The following CFAP77 variants were observed in gnomAD, a reference collection of about 807,000 sequenced individuals.
CFAP77 encodes the protein cilia and flagella associated protein 77.
In CFAP77, 25 loss-of-function variants were observed where a neutral mutation model predicts 31.1. The ratio of observed to expected loss-of-function variants is 0.80; its 90% CI spans 0.59 to 1.12. CFAP77 has a LOEUF of 1.12. CFAP77 is among the 50% of genes most tolerant of loss of function. The pLI, the probability that CFAP77 is intolerant of heterozygous loss-of-function variation, is 0.00. For missense variants in CFAP77, 377 were observed against 397.3 expected (o/e 0.95, Z 0.44); for synonymous variants, 151 against 159.9 (o/e 0.94, Z 0.42).
At chr9:132,534,183 C>T (rs1303084688) in intron 3 of CFAP77, among the ~76,000 whole-genome samples, 6 of 152,164 alleles carry the variant, frequency 3.9e-5, no homozygotes, top group Non-Finnish European at 8.8e-5. Context: ...AGCTCCCCAT[C>T]AGCCTCCACC....
chr9:132,438,362 T>C (rs1267484813), intron 1 of CFAP77, among the ~76,000 whole-genome samples: 3 of 151,316 alleles, frequency 2.0e-5, no homozygotes, highest in African/African-American at 7.3e-5. Context: ...ACTTAATGAT[T>C]GGCTCTGGTG....
intron 1 of CFAP77, among the ~76,000 whole-genome samples, chr9:132,428,434 C>T (rs1236672234): frequency 3.3e-5 from 5 of 151,968 alleles, no homozygotes; most frequent in Admixed American, 6.6e-5. Context: ...GCCAACATGG[C>T]GAAACCTCAT....
At chr9:132,535,812 T>C (rs938784558) in intron 3 of CFAP77, among the ~76,000 whole-genome samples, 6 of 152,176 alleles carry the variant, frequency 3.9e-5, no homozygotes, top group African/African-American at 1.4e-4. Context: ...ATTTGCTTTC[T>C]CCTGTTGTTA....
chr9:132,505,058 C>T (rs1851910059), intron 3 of CFAP77, among the ~76,000 whole-genome samples: 2 of 152,218 alleles, frequency 1.3e-5, no homozygotes, highest in South Asian at 4.1e-4. Context: ...GTGTTATTTA[C>T]TCACAATTAC....
rs142726335 is a variant in CFAP77, at chr9:132,543,006, G to T, written c.691G>T (p.Val231Leu). 1 of 1,614,144 alleles carries T rather than the reference G, an allele frequency of 6.2e-7. No homozygotes were observed. Among genetic ancestry groups the T allele is most frequent in the Non-Finnish European group, 8.5e-7 (1 of 1,180,024 alleles). ...SSQLRKYKPP[V>L]KLDTLWHMPH... is the part of the protein sequence containing the mutation. ...TCAGCTGAGGAAGTACAAGCCGCCCGTGAAGCTGGACACCCTCTGGCACAT... is the reference window on the plus strand; with the variant it reads ...TCAGCTGAGGAAGTACAAGCCGCCCTTGAAGCTGGACACCCTCTGGCACAT... Residue 231 changes from valine (V) to leucine (L), a missense_variant, in exon 5 of 6, where the codon GTG (valine) becomes TTG (leucine). Coordinates refer to ENST00000393216, the MANE Select transcript of CFAP77 (RefSeq NM_001282957.2).
intron 1 of CFAP77, among the ~76,000 whole-genome samples, chr9:132,422,306 G>C (rs1438670755): frequency 1.3e-5 from 2 of 152,216 alleles, no homozygotes; most frequent in Non-Finnish European, 2.9e-5. Flanking sequence ...ACTGTGCCCA[G>C]CCCAGCAGGT....
chr9:132,480,342 A>AC lies in CFAP77; in HGVS notation c.196-18353_196-18352insC, dbSNP rs1851424238. Reference sequence around the variant, plus strand: ...GGGCTTTCCCACTTTTTGCCCTCATAGCTCAACTCCCTAGGGAATTTGAGA... The same window carrying AC: ...GGGCTTTCCCACTTTTTGCCCTCATACGCTCAACTCCCTAGGGAATTTGAGA... On this transcript the variant is annotated intron_variant, in intron 1 of 5. Transcript: ENST00000393216. The surrounding 1 kb of genome is among the most constrained non-coding windows in gnomAD (Gnocchi z 5.8). 6.6e-6 allele frequency among the ~76,000 whole-genome samples: 1 copy of AC among 152,138 alleles called. No individual in the cohort carries two copies. Among genetic ancestry groups the AC allele is most frequent in the Non-Finnish European group, 1.5e-5 (1 of 68,016 alleles).
At chr9:132,411,582 C>T (rs1395023079) in intron 1 of CFAP77, among the ~76,000 whole-genome samples, 1 of 152,154 alleles carries the variant, frequency 6.6e-6, no homozygotes, top group African/African-American at 2.4e-5. Flanking sequence ...AGGCTCCTTT[C>T]TTAGGCCTCT....
At chr9:132,487,394 C>T (rs201505375) in intron 1 of CFAP77, among the ~76,000 whole-genome samples, 47 of 152,242 alleles carry the variant, frequency 3.1e-4, no homozygotes, top group East Asian at 1.9e-3. Context: ...TAAACCAGAG[C>T]AGAGTTGCAA....
rs747237243 is a variant in CFAP77, at chr9:132,552,409, G to A, written c.732+9362G>A. Among the ~76,000 whole-genome samples the A allele has an allele frequency of 1.6e-4, 25 of 152,082 alleles. No homozygotes were observed. Among genetic ancestry groups the A allele is most frequent in the Non-Finnish European group, 2.2e-4 (15 of 67,976 alleles). On this transcript the variant is annotated intron_variant, in intron 5 of 5. Coordinates refer to ENST00000393216, the MANE Select transcript of CFAP77 (RefSeq NM_001282957.2). The surrounding 1 kb of genome is among the most constrained non-coding windows in gnomAD (Gnocchi z 5.5). ...GAGGAGATGTTTAAAATGCAGAGTC[G>A]AAGGCCCAGTGCGGTGGCTCATGCC...
chr9:132,558,482 A>G (rs1852938583), intron 5 of CFAP77, among the ~76,000 whole-genome samples: 1 of 152,162 alleles, frequency 6.6e-6, no homozygotes, highest in Non-Finnish European at 1.5e-5. Flanking sequence ...AGGCGGGAGG[A>G]TCACCTGAGG....
In CFAP77 at chr9:132,511,267, A is replaced by ACTCC. The variant is rs1473940781; in HGVS notation, c.524+11677_524+11680dup. 6.7e-6 allele frequency among the ~76,000 whole-genome samples: 1 copy of ACTCC among 150,156 alleles called. No individual in the cohort carries two copies. The highest frequency in any genetic ancestry group is 1.5e-5 in the Non-Finnish European group (1 of 67,484). On this transcript the variant is annotated intron_variant, in intron 3 of 5. Coordinates refer to ENST00000393216, the MANE Select transcript of CFAP77 (RefSeq NM_001282957.2). The surrounding 1 kb of genome is among the most constrained non-coding windows in gnomAD (Gnocchi z 5.8). ...AGCTAAACCTCCTTCAGTCCCCTGA[A>ACTCC]CTCCCTCCCTCCCCACGTTTCTCTG...
chr9:132,474,027 G>A (rs1023919031), intron 1 of CFAP77, among the ~76,000 whole-genome samples: 10 of 152,106 alleles, frequency 6.6e-5, no homozygotes, highest in South Asian at 2.1e-4. Flanking sequence ...ATCACATTGC[G>A]TCCTCTCCTC....
intron 3 of CFAP77, chr9:132,513,412 G>C (rs577416): frequency 6.7e-7 from 1 of 1,495,312 alleles, no homozygotes; most frequent in Non-Finnish European, 8.9e-7. Flanking sequence ...CACAATCTGA[G>C]GCCCCTGTGC....
In CFAP77 at chr9:132,498,251, C is replaced by A. The variant is rs1281091347; in HGVS notation, c.196-444C>A. On this transcript the variant is annotated intron_variant, in intron 1 of 5. Coordinates refer to ENST00000393216, the MANE Select transcript of CFAP77 (RefSeq NM_001282957.2). The surrounding 1 kb of genome is among the most constrained non-coding windows in gnomAD (Gnocchi z 4.2). ...CTACAGTGACAATGGTTTGAGTGGT[C>A]CCTGGTATGAGGAAGGTGGGAATGA... is the stretch of plus-strand genomic sequence containing the variant. Among the ~76,000 whole-genome samples the A allele has an allele frequency of 2.0e-5, 3 of 152,024 alleles. No individual in the cohort carries two copies. Among genetic ancestry groups the A allele is most frequent in the Non-Finnish European group, 4.4e-5 (3 of 68,012 alleles).
At chr9:132,540,819 C>A (rs1025932674) in intron 4 of CFAP77, among the ~76,000 whole-genome samples, 83 of 152,098 alleles carry the variant, frequency 5.5e-4, no homozygotes, top group African/African-American at 2.0e-3. Flanking sequence ...GGTCGCATAA[C>A]CTGCTTGAGG....
At position 132,571,883 on chromosome 9, in the gene CFAP77, A is replaced by ATTT. The variant is rs35207512; in HGVS notation, c.733-491_733-489dup. ...CACTCTTTGAATCTGTCTCCCTTGCATTTTTTTTTTTTTTTTCTGATTTAT... is the reference window on the plus strand; with the variant it reads ...CACTCTTTGAATCTGTCTCCCTTGCATTTTTTTTTTTTTTTTTTTCTGATTTAT... On this transcript the variant is annotated intron_variant, in intron 5 of 5. Transcript: ENST00000393216. 1.1e-3 allele frequency among the ~76,000 whole-genome samples: 150 copies of ATTT among 141,718 alleles called. 1 individual carries two copies. The highest frequency in any genetic ancestry group is 2.6e-3 in the African/African-American group (101 of 38,166). 93.0% of individuals were successfully genotyped at this position (141,718 alleles called of 152,430 possible).
chr9:132,472,974 C>G (rs1851284839), intron 1 of CFAP77, among the ~76,000 whole-genome samples: 1 of 152,116 alleles, frequency 6.6e-6, no homozygotes, highest in South Asian at 2.1e-4. Context: ...TTTGGCTCTG[C>G]AGGCTGTACA....
In CFAP77 at chr9:132,545,976, A is replaced by C. The variant is rs552265406; in HGVS notation, c.732+2929A>C. 6.6e-6 allele frequency among the ~76,000 whole-genome samples: 1 copy of C among 151,990 alleles called. No individual in the cohort carries two copies. Among genetic ancestry groups the C allele is most frequent in the Non-Finnish European group, 1.5e-5 (1 of 67,998 alleles). On this transcript the variant is annotated intron_variant, in intron 5 of 5. Coordinates refer to ENST00000393216, the MANE Select transcript of CFAP77 (RefSeq NM_001282957.2). This position sits in a 1 kb window ranked among gnomAD's most constrained non-coding sequence, Gnocchi z 4.6. ...AACTCTGCAATTAATTAACTGGGCA[A>C]TTTTTTTCATCTTGCTCAGTAAAAT...
Sources: allele counts gnomAD v4.1 joint callset (sites outside exome capture counted in the v4.1 genomes callset), GRCh38; gene constraint gnomAD v4.1.1; non-coding constraint Gnocchi (gnomAD v3.1); transcripts MANE v1.5; gene names NCBI Gene and HGNC (gene_info 2026-07-23, HGNC 2026-07-21).